DENND1A: variants seen among roughly 807,000 people sequenced by gnomAD.
DENND1A encodes the protein DENN domain-containing protein 1A.
In DENND1A, 51 loss-of-function variants were observed where a neutral mutation model predicts 113.7. The observed-to-expected ratio is 0.45, with a 90% CI of 0.36 to 0.57. The LOEUF (loss-of-function observed/expected upper bound fraction) is 0.57. Among genes scored for constraint, DENND1A ranks in the 20% least tolerant of loss-of-function variants. The pLI is 0.00. For missense variants in DENND1A, 1,258 were observed against 1,395.9 expected, an observed-to-expected ratio of 0.90 and a Z score of 1.57; for synonymous variants, 565 against 570.8, an observed-to-expected ratio of 0.99 and a Z score of 0.14.
At chr9:123,435,109 ACCAGAGG>A (rs1276759268) in intron 19 of DENND1A, among the ~76,000 whole-genome samples, 1 of 150,966 alleles carries the variant, frequency 6.6e-6, no homozygotes, top group Non-Finnish European at 1.5e-5. Flanking sequence ...GTATGTTCAG[ACCAGAGG>A]CCTGGGGTGT....
chr9:123,883,666 T>C (rs1165231032), intron 1 of DENND1A, among the ~76,000 whole-genome samples: 1 of 152,174 alleles, frequency 6.6e-6, no homozygotes, highest in African/African-American at 2.4e-5. Flanking sequence ...ATTATTTCAA[T>C]AGTGCGTTTG....
chr9:123,827,726 C>T (rs73666297), intron 2 of DENND1A, among the ~76,000 whole-genome samples: 11,050 of 152,018 alleles, frequency 0.073, 799 homozygotes, highest in African/African-American at 0.19. Context: ...GTGCTTTAGG[C>T]TTTGGGTTGG....
At chr9:123,832,631 G>A (rs1840398678) in intron 2 of DENND1A, among the ~76,000 whole-genome samples, 2 of 145,322 alleles carry the variant, frequency 1.4e-5, no homozygotes, top group Admixed American at 6.7e-5. Context: ...ACAGACAGTA[G>A]AATGGATCGA....
At position 123,403,816 on chromosome 9, in the gene DENND1A, C is replaced by G. The variant is rs375567841; in HGVS notation, c.1543-326G>C. On this transcript the variant is annotated intron_variant, in intron 20 of 23. Coordinates refer to ENST00000394215, the MANE Select transcript of DENND1A (RefSeq NM_001352964.2). The stretch of plus-strand genomic sequence containing the variant: ...AATGAGATGATGTCTACATAGGACC[C>G]GGAACAAAGAGGCCCTTATCAATGA... 3.1e-3 allele frequency among the ~76,000 whole-genome samples: 469 copies of G among 152,258 alleles called. 2 individuals carry two copies. Among genetic ancestry groups the G allele is most frequent in the Non-Finnish European group, 5.4e-3 (369 of 68,008 alleles).
At chr9:123,418,431 T>C (rs1243838188) in intron 19 of DENND1A, among the ~76,000 whole-genome samples, 6 of 152,208 alleles carry the variant, frequency 3.9e-5, no homozygotes, top group Non-Finnish European at 7.3e-5. Context: ...TGATTTGCAG[T>C]TCATTTGTTG....
At chr9:123,634,987 T>C (rs780352718) in intron 9 of DENND1A, among the ~76,000 whole-genome samples, 5 of 152,320 alleles carry the variant, frequency 3.3e-5, no homozygotes, top group South Asian at 2.1e-4. Flanking sequence ...TATGGCTCCA[T>C]TAGTTTTCTC....
chr9:123,721,334 C>T (rs1589805843), intron 5 of DENND1A, among the ~76,000 whole-genome samples: 1 of 152,210 alleles, frequency 6.6e-6, no homozygotes, highest in Non-Finnish European at 1.5e-5. Flanking sequence ...CTGAATGCTC[C>T]ACCACTCTGC....
At chr9:123,500,081 G>A (rs952013041) in intron 13 of DENND1A, among the ~76,000 whole-genome samples, 1 of 152,108 alleles carries the variant, frequency 6.6e-6, no homozygotes, top group Admixed American at 6.5e-5. Context: ...TAATACCTAG[G>A]TGATGAAATG....
At chr9:123,523,444 G>A (rs1302837006) in intron 13 of DENND1A, among the ~76,000 whole-genome samples, 1 of 152,236 alleles carries the variant, frequency 6.6e-6, no homozygotes, top group Non-Finnish European at 1.5e-5. Flanking sequence ...ATACGTTACA[G>A]AGTTAGAGAT....
intron 5 of DENND1A, among the ~76,000 whole-genome samples, chr9:123,678,032 C>G (rs923259622): frequency 6.6e-6 from 1 of 152,158 alleles, no homozygotes; most frequent in Non-Finnish European, 1.5e-5. Context: ...TCTACTCATC[C>G]TCCTAACTGT....
chr9:123,643,426 C>A, intron 9 of DENND1A, among the ~76,000 whole-genome samples: 1 of 152,164 alleles, frequency 6.6e-6, no homozygotes, highest in Non-Finnish European at 1.5e-5. Context: ...AGTAAATATG[C>A]CTTTGTCATT....
At chr9:123,459,422 C>A (rs965884815) in intron 13 of DENND1A, among the ~76,000 whole-genome samples, 1 of 151,944 alleles carries the variant, frequency 6.6e-6, no homozygotes, top group African/African-American at 2.4e-5. Flanking sequence ...AATTAAAGAA[C>A]GGGGATGATC....
At chr9:123,485,357 C>G (rs1465588755) in intron 13 of DENND1A, among the ~76,000 whole-genome samples, 1 of 152,138 alleles carries the variant, frequency 6.6e-6, no homozygotes, top group East Asian at 1.9e-4. Context: ...GTATTTTTGC[C>G]TCTTATTCCA....
chr9:123,720,564 T>G (rs1448877451), intron 5 of DENND1A, among the ~76,000 whole-genome samples: 1 of 152,158 alleles, frequency 6.6e-6, no homozygotes, highest in African/African-American at 2.4e-5. Flanking sequence ...ACAATCTCTT[T>G]ACTAGGCCCA....
intron 1 of DENND1A, among the ~76,000 whole-genome samples, chr9:123,893,570 C>T (rs1453800533): frequency 1.3e-5 from 2 of 152,120 alleles, no homozygotes; most frequent in African/African-American, 2.4e-5. Context: ...CTTGTATATA[C>T]ATTTGTCACT....
intron 13 of DENND1A, among the ~76,000 whole-genome samples, chr9:123,549,197 C>G (rs1411175055): frequency 6.6e-6 from 1 of 152,218 alleles, no homozygotes. Flanking sequence ...CACAGACACA[C>G]AGCTGCACAC....
chr9:123,902,088 C>A (rs562843428), intron 1 of DENND1A, among the ~76,000 whole-genome samples: 16 of 151,948 alleles, frequency 1.1e-4, no homozygotes, highest in African/African-American at 3.6e-4. Context: ...CATGACCTCT[C>A]TTCTATAATA....
chr9:123,431,216 A>G (rs1245964950), intron 19 of DENND1A, among the ~76,000 whole-genome samples: 1 of 152,208 alleles, frequency 6.6e-6, no homozygotes, highest in African/African-American at 2.4e-5. Flanking sequence ...TGGTACCTCC[A>G]GTGCTAGCTC....
chr9:123,526,528 C>G (rs1393210977), intron 13 of DENND1A, among the ~76,000 whole-genome samples: 1 of 152,210 alleles, frequency 6.6e-6, no homozygotes, highest in Non-Finnish European at 1.5e-5. Context: ...TCCCTCTCCC[C>G]CAGCCACAAT....
Sources: allele counts gnomAD v4.1 joint callset (sites outside exome capture counted in the v4.1 genomes callset), GRCh38; gene constraint gnomAD v4.1.1; transcripts MANE v1.5; gene names NCBI Gene and HGNC (gene_info 2026-07-23, HGNC 2026-07-21).